LOXL2: variants seen among roughly 807,000 people sequenced by gnomAD.
LOXL2 encodes the protein lysyl oxidase homolog 2.
Under a neutral mutation model 93.0 loss-of-function variants are expected in LOXL2, and 70 were observed. That is an observed-to-expected ratio of 0.75 (90% CI 0.62 to 0.92). The LOEUF is 0.92. Among genes scored for constraint, LOXL2 ranks in the 40% least tolerant of loss-of-function variants. The pLI is 0.00. For synonymous variants in LOXL2, 438 were observed against 413.2 expected (o/e 1.06, Z -0.73); for missense variants, 973 against 1,054.9 (o/e 0.92, Z 1.08).
In LOXL2 at chr8:23,368,145, C is replaced by T. The variant is rs1455297505; in HGVS notation, c.207G>A (p.Glu69=). The change falls in exon 2 of 14, where the codon GAG becomes GAA. Residue 69 remains glutamate (E), a synonymous_variant. Transcript: ENST00000389131. The stretch of plus-strand genomic sequence containing the variant: ...CATCATAGTACACCTCCACCCGGCC[C>T]TCGCTGTGCTTCCTCTTCTGCCCAG... ...RLAGQKRKHS[E]GRVEVYYDGQ... 2.5e-6 allele frequency: 4 copies of T among 1,614,122 alleles called. No individual in the cohort carries two copies.
At chr8:23,379,957 G>A (rs1451349880) in intron 1 of LOXL2, among the ~76,000 whole-genome samples, 1 of 150,006 alleles carries the variant, frequency 6.7e-6, no homozygotes, top group Non-Finnish European at 1.5e-5. Context: ...TGACCCCACT[G>A]TCCTACGAGC....
intron 5 of LOXL2, among the ~76,000 whole-genome samples, chr8:23,332,209 ACCCAC>A: frequency 1.5e-5 from 2 of 132,296 alleles, no homozygotes; most frequent in East Asian, 2.8e-4. Context: ...ACACACCCAC[ACCCAC>A]CCCACACACC....
At chr8:23,358,538 A>G (rs995284590) in intron 3 of LOXL2, among the ~76,000 whole-genome samples, 3 of 152,236 alleles carry the variant, frequency 2.0e-5, no homozygotes, top group African/African-American at 7.2e-5. Context: ...GGCAGATCCC[A>G]TAATCCCTTG....
At chr8:23,328,709 ATGTGTGTGTGTGTGTGTG>A (rs60768341) in intron 5 of LOXL2, 144 bp from the exon 6 acceptor site, 115 of 460,448 alleles carry the variant, frequency 2.5e-4, no homozygotes, top group African/African-American at 2.3e-3. Context: ...TGATGTATGG[ATGTGTGTGTGTGTGTGTG>A]TGTGTGTGTG....
intron 9 of LOXL2, 133 bp downstream of exon 9, chr8:23,316,816 T>TC: frequency 1.1e-6 from 1 of 925,978 alleles, no homozygotes; most frequent in Non-Finnish European, 1.5e-6. Flanking sequence ...CCCCAGTTTT[T>TC]CTCCCTTAGG....
At chr8:23,361,274 G>A (rs1804285996) in intron 2 of LOXL2, among the ~76,000 whole-genome samples, 1 of 152,146 alleles carries the variant, frequency 6.6e-6, no homozygotes, top group Non-Finnish European at 1.5e-5. Flanking sequence ...GAAGTGGCAT[G>A]ATTATCCCAC....
intron 9 of LOXL2, among the ~76,000 whole-genome samples, chr8:23,310,515 A>G (rs1240599369): frequency 1.3e-5 from 2 of 152,270 alleles, no homozygotes; most frequent in African/African-American, 4.8e-5. Flanking sequence ...ATGGCTACAT[A>G]AGATTTAATT....
At chr8:23,383,653 T>TTTTG (rs564366410) in intron 1 of LOXL2, among the ~76,000 whole-genome samples, 2 of 29,930 alleles carry the variant, frequency 6.7e-5, no homozygotes, top group South Asian at 1.3e-3. Context: ...TACGTTTTTT[T>TTTTG]TTTGTTTTTT....
chr8:23,361,564 G>A (rs1304177295), intron 2 of LOXL2, among the ~76,000 whole-genome samples: 1 of 152,096 alleles, frequency 6.6e-6, no homozygotes, highest in African/African-American at 2.4e-5. Context: ...CAGAAAATGG[G>A]CCAGGCAGTG....
chr8:23,322,225 T>C lies in LOXL2; in HGVS notation c.1207A>G (p.Ile403Val). 1 of 1,614,194 alleles carries C rather than the reference T, an allele frequency of 6.2e-7. No homozygotes were observed. The highest frequency in any genetic ancestry group is 1.1e-5 in the South Asian group (1 of 91,084). Residue 403 changes from isoleucine to valine, a missense_variant, in exon 7 of 14, where the codon ATA (isoleucine) becomes GTA (valine). By Grantham distance (29) the Ile-to-Val change is conservative. Transcript: ENST00000389131. ...IQCTGNEKSI[I>V]DCKFNAESQG... ...GACTCGGCATTGAACTTGCAGTCTA[T>C]AATGGACTTCTCATTGCCTGTGCAC... is the stretch of plus-strand genomic sequence containing the variant.
At position 23,303,406 on chromosome 8, in the gene LOXL2, AG is replaced by A; in HGVS notation, c.1881-10del. On this transcript the variant is annotated splice_polypyrimidine_tract_variant and intron_variant, in intron 10 of 13. Transcript: ENST00000389131. ...CCATGCTGTGGTAGTGCCTGGAGCGAGAGAGAGATGGCCTGGAGGTCAGTTT... is the reference window on the plus strand; with the variant it reads ...CCATGCTGTGGTAGTGCCTGGAGCGAAGAGAGATGGCCTGGAGGTCAGTTT... The A allele has an allele frequency of 6.6e-7, 1 of 1,504,324 alleles. No homozygotes were observed. The highest frequency in any genetic ancestry group is 9.2e-7 in the Non-Finnish European group (1 of 1,081,220). The allele number at this position is 1,504,324 out of a possible 1,614,324, so 93.2% of individuals were successfully genotyped here.
At chr8:23,367,902 G>T (rs1804430932) in intron 2 of LOXL2, 95 bp downstream of exon 2, 2 of 972,790 alleles carry the variant, frequency 2.1e-6, no homozygotes, top group Non-Finnish European at 3.1e-6. Context: ...ACACTTCGCA[G>T]TGCGTGCAGC....
intron 6 of LOXL2, among the ~76,000 whole-genome samples, chr8:23,327,782 A>G (rs1453211053): frequency 6.6e-6 from 1 of 152,028 alleles, no homozygotes; most frequent in Non-Finnish European, 1.5e-5. Flanking sequence ...CTTTCCACCA[A>G]CGGACCCACT....
chr8:23,400,236 C>T (rs1346205143), intron 1 of LOXL2, among the ~76,000 whole-genome samples: 1 of 152,194 alleles, frequency 6.6e-6, no homozygotes. Flanking sequence ...TAAAGACATA[C>T]CCGAGACTGG....
Position 23,322,246 on chromosome 8 carries a change from T to C in LOXL2, c.1186A>G (p.Thr396Ala). Residue 396 changes from threonine (T) to alanine (A), a missense_variant, in exon 7 of 14, where the codon ACA (threonine) becomes GCA (alanine). Physicochemically the swap from Thr to Ala is moderately conservative, Grantham distance 58 (BLOSUM62 0). Coordinates refer to ENST00000389131, the MANE Select transcript of LOXL2 (RefSeq NM_002318.3). ...GPIHLNEIQC[T>A]GNEKSIIDCK... ...TCTATAATGGACTTCTCATTGCCTG[T>C]GCACTGGATCTCGTTGAGGTGGATG... 1.2e-6 allele frequency: 2 copies of C among 1,614,222 alleles called. No individual in the cohort carries two copies. Among genetic ancestry groups the C allele is most frequent in the Non-Finnish European group, 1.7e-6 (2 of 1,180,038 alleles).
At chr8:23,308,178 A>T (rs75109646) in intron 10 of LOXL2, among the ~76,000 whole-genome samples, 1,871 of 152,278 alleles carry the variant, frequency 0.012, 33 homozygotes, top group African/African-American at 0.043. Flanking sequence ...AGGACATGTT[A>T]GTTCTGCCCA....
At chr8:23,381,716 C>T (rs1227109526) in intron 1 of LOXL2, among the ~76,000 whole-genome samples, 1 of 152,238 alleles carries the variant, frequency 6.6e-6, no homozygotes, top group African/African-American at 2.4e-5. Context: ...ATCCTTCCAA[C>T]CTCAGGGAGG....
chr8:23,361,053 A>C (rs1242997328), intron 2 of LOXL2, among the ~76,000 whole-genome samples: 1 of 151,892 alleles, frequency 6.6e-6, no homozygotes, highest in Non-Finnish European at 1.5e-5. Context: ...GGCGCATGCC[A>C]CCACCCCTGG....
At chr8:23,317,577 T>C (rs1191518098) in intron 8 of LOXL2, among the ~76,000 whole-genome samples, 1 of 152,202 alleles carries the variant, frequency 6.6e-6, no homozygotes, top group African/African-American at 2.4e-5. Context: ...AGAAATCTAT[T>C]TGCATAGGTC....
Sources: allele counts gnomAD v4.1 joint callset (sites outside exome capture counted in the v4.1 genomes callset), GRCh38; gene constraint gnomAD v4.1.1; transcripts MANE v1.5; gene names NCBI Gene and HGNC (gene_info 2026-07-23, HGNC 2026-07-21).